The following AHRR variants were observed in gnomAD, a reference collection of about 807,000 sequenced individuals.
AHRR encodes the protein aryl hydrocarbon receptor repressor.
A neutral mutation model predicts 44.0 loss-of-function variants in AHRR; 28 were observed. That is an observed-to-expected ratio of 0.64 (90% CI 0.47 to 0.87). The LOEUF (loss-of-function observed/expected upper bound fraction) is 0.87, where lower values mean the gene tolerates loss of function less well. Among genes scored for constraint, AHRR ranks in the 40% least tolerant of loss-of-function variants. The probability of loss-of-function intolerance (pLI) is 0.00; values close to 1 mark genes in which losing one functional copy is unlikely to be tolerated. For synonymous variants in AHRR, 434 were observed against 407.0 expected, an observed-to-expected ratio of 1.07 and a Z score of -0.80; for missense variants, 990 against 953.9, an observed-to-expected ratio of 1.04 and a Z score of -0.50.
At chr5:425,192 C>A in intron 7 of AHRR, among the ~76,000 whole-genome samples, 1 of 152,282 alleles carries the variant, frequency 6.6e-6, no homozygotes, top group East Asian at 1.9e-4. Context: ...CTGCCTGTTT[C>A]TGTGTCTTTC....
intron 3 of AHRR, among the ~76,000 whole-genome samples, chr5:374,010 G>A (rs1321637746): frequency 1.3e-5 from 2 of 152,042 alleles, no homozygotes; most frequent in South Asian, 2.1e-4. Context: ...CGCGCTTCTC[G>A]GGGAAAAGGC....
intron 1 of AHRR, among the ~76,000 whole-genome samples, chr5:323,749 G>GTTGGAGA (rs1741591154): frequency 6.6e-6 from 1 of 152,188 alleles, no homozygotes; most frequent in Admixed American, 6.5e-5. Context: ...AGATGCCGCC[G>GTTGGAGA]GGTGGCCCTG....
intron 4 of AHRR, among the ~76,000 whole-genome samples, chr5:403,528 C>T (rs1364904437): frequency 2.6e-5 from 4 of 151,308 alleles, no homozygotes; most frequent in South Asian, 2.1e-4. Context: ...CCCAGCTACT[C>T]GGGAGGCTGC....
chr5:403,898 A>C, intron 4 of AHRR: 1 of 1,586,774 alleles, frequency 6.3e-7, no homozygotes, highest in South Asian at 1.1e-5. Flanking sequence ...GGCCTAGATG[A>C]GAATGTAGCT....
At chr5:336,275 C>A (rs1213276545) in intron 1 of AHRR, among the ~76,000 whole-genome samples, 2 of 152,208 alleles carry the variant, frequency 1.3e-5, no homozygotes, top group Admixed American at 1.3e-4. Context: ...CAGTTCCCAG[C>A]CACTCTTGGC....
chr5:416,658 C>T (rs997436557), intron 5 of AHRR, among the ~76,000 whole-genome samples: 14 of 152,168 alleles, frequency 9.2e-5, no homozygotes, highest in East Asian at 3.8e-4. Context: ...ATGGAGCTGC[C>T]GTGGGATGCT....
chr5:417,675 T>G (rs1735889117), intron 5 of AHRR, among the ~76,000 whole-genome samples: 1 of 152,214 alleles, frequency 6.6e-6, no homozygotes, highest in Non-Finnish European at 1.5e-5. Flanking sequence ...CAGAACTTGC[T>G]AATTGGACTT....
intron 5 of AHRR, among the ~76,000 whole-genome samples, chr5:414,780 G>A (rs1333438329): frequency 6.6e-6 from 1 of 152,270 alleles, no homozygotes; most frequent in Non-Finnish European, 1.5e-5. Flanking sequence ...TTGAAAAATA[G>A]AGAGTAGTAT....
intron 1 of AHRR, among the ~76,000 whole-genome samples, chr5:341,101 G>A (rs570365044): frequency 7.3e-5 from 11 of 149,932 alleles, no homozygotes; most frequent in Admixed American, 1.3e-4. Context: ...TGCAAACTCC[G>A]CCTCCCAAGT....
intron 6 of AHRR, 99 bp from the exon 7 acceptor site, chr5:423,742 C>T (rs966970031): frequency 9.7e-6 from 14 of 1,448,276 alleles, no homozygotes; most frequent in Non-Finnish European, 1.3e-5. Flanking sequence ...ATAGGGTTTA[C>T]ATGACCTGGC....
chr5:419,657 G>A lies in AHRR; in HGVS notation c.442-3072G>A, dbSNP rs781063334. 3.3e-5 allele frequency among the ~76,000 whole-genome samples: 5 copies of A among 152,120 alleles called. No homozygotes were observed. The highest frequency in any genetic ancestry group is 7.2e-5 in the African/African-American group (3 of 41,406). On this transcript the variant is annotated intron_variant, in intron 5 of 10. Coordinates refer to ENST00000684583, the MANE Select transcript of AHRR (RefSeq NM_001377236.1). The surrounding 1 kb of genome is among the most constrained non-coding windows in gnomAD (Gnocchi z 4.4). ...TATTTCCCATTGTCCTGGCAAAGCC[G>A]GGGCCCTCCATGGTGCCCGGCTCTT...
intron 2 of AHRR, among the ~76,000 whole-genome samples, chr5:352,131 G>A (rs971950896): frequency 8.5e-5 from 13 of 152,382 alleles, no homozygotes; most frequent in Non-Finnish European, 1.5e-4. Flanking sequence ...ATGATTGCAT[G>A]TGGAAATGAT....
rs1579721440 is a variant in AHRR at position 435,909 on chromosome 5, C to T, written c.*1075C>T. 6.5e-6 allele frequency: 1 copy of T among 152,788 alleles called. No homozygotes were observed. The highest frequency in any genetic ancestry group is 1.9e-4 in the East Asian group (1 of 5,338). The allele number at this position is 152,788 out of a possible 1,614,324, so 9.5% of individuals were successfully genotyped here. ...AAAGCATAAGTCAGAAAGTGAAGGT[C>T]ACCAATCCACCAACCCGAGAACCTA... On this transcript the variant is annotated 3_prime_UTR_variant, in exon 11 of 11. Coordinates refer to ENST00000684583, the MANE Select transcript of AHRR (RefSeq NM_001377236.1).
intron 5 of AHRR, among the ~76,000 whole-genome samples, chr5:415,309 G>A (rs1735681610): frequency 6.8e-6 from 1 of 146,698 alleles, no homozygotes; most frequent in Admixed American, 6.7e-5. Context: ...CTGGTCGGGT[G>A]GGAGGCCTAG....
At chr5:340,212 G>GT (rs1453759337) in intron 1 of AHRR, among the ~76,000 whole-genome samples, 3 of 152,080 alleles carry the variant, frequency 2.0e-5, no homozygotes, top group Non-Finnish European at 4.4e-5. Context: ...CAGATTATCT[G>GT]TTTTTTCTTG....
rs570983772 is a variant in AHRR, at chr5:434,105, G to C, written c.1365G>C (p.Pro455=). 1.2e-6 allele frequency: 2 copies of C among 1,612,874 alleles called. No individual in the cohort carries two copies. The highest frequency in any genetic ancestry group is 2.7e-5 in the African/African-American group (2 of 74,900). Residue 455 remains proline, a synonymous_variant, in exon 11 of 11, where the codon CCG becomes CCC. Coordinates refer to ENST00000684583, the MANE Select transcript of AHRR (RefSeq NM_001377236.1). ...RNSPISHPPS[P]SPSAYSSRTS... The stretch of plus-strand genomic sequence containing the variant: ...CGCCCATCTCTCACCCGCCGAGCCC[G>C]TCCCCCAGTGCCTACTCCAGCCGGA...
chr5:347,342 T>A (rs182267396), intron 2 of AHRR, among the ~76,000 whole-genome samples: 24 of 152,362 alleles, frequency 1.6e-4, no homozygotes, highest in African/African-American at 5.5e-4. Flanking sequence ...TTCTTTGCCA[T>A]GCAGAAAAAA....
intron 4 of AHRR, among the ~76,000 whole-genome samples, chr5:391,503 CA>C (rs1734453216): frequency 1.3e-5 from 1 of 76,486 alleles, no homozygotes; most frequent in African/African-American, 1.3e-4. Flanking sequence ...CAGGGTGAGG[CA>C]GGGCCAGAGC....
chr5:330,975 C>T (rs1741890503), intron 1 of AHRR, among the ~76,000 whole-genome samples: 1 of 147,008 alleles, frequency 6.8e-6, no homozygotes, highest in Non-Finnish European at 1.5e-5. Context: ...CTCCCGGGTT[C>T]ATGCCGTTCT....
Sources: allele counts gnomAD v4.1 joint callset (sites outside exome capture counted in the v4.1 genomes callset), GRCh38; gene constraint gnomAD v4.1.1; non-coding constraint Gnocchi (gnomAD v3.1); transcripts MANE v1.5; gene names NCBI Gene and HGNC (gene_info 2026-07-23, HGNC 2026-07-21).